CUX2: variants seen among roughly 807,000 people sequenced by gnomAD.
CUX2 encodes homeobox protein cut-like 2.
In CUX2, 40 loss-of-function variants were observed where a neutral mutation model predicts 144.8. The ratio of observed to expected loss-of-function variants is 0.28; its 90% CI spans 0.21 to 0.36. CUX2 has a LOEUF of 0.36. Ranked by LOEUF, CUX2 falls within the 10% of genes least tolerant of loss-of-function variation. The pLI, the probability that CUX2 is intolerant of heterozygous loss-of-function variation, is 1.00. For missense variants in CUX2, 1,615 were observed against 1,994.0 expected (o/e 0.81, Z 3.62); for synonymous variants, 827 against 875.6 (o/e 0.94, Z 0.98).
Position 111,312,333 on chromosome 12 carries a change from C to T in CUX2, c.2002+132C>T. 1 of 721,596 alleles carries T rather than the reference C, an allele frequency of 1.4e-6. No individual in the cohort carries two copies. The highest frequency in any genetic ancestry group is 2.3e-6 in the Non-Finnish European group (1 of 435,676). 44.7% of individuals were successfully genotyped at this position (721,596 alleles called of 1,614,324 possible). ...TCAGAACCACCAGAGGCCAGAGGGA[C>T]CTGTCTAGAGCGCATGGGTAGCTGT... On this transcript the variant is annotated intron_variant, in intron 16 of 21. Coordinates refer to ENST00000261726, the MANE Select transcript of CUX2 (RefSeq NM_015267.4). This position sits in a 1 kb window ranked among gnomAD's most constrained non-coding sequence, Gnocchi z 4.3.
At chr12:111,340,798 G>T (rs372796537) in intron 20 of CUX2, among the ~76,000 whole-genome samples, 3 of 152,180 alleles carry the variant, frequency 2.0e-5, no homozygotes, top group Admixed American at 6.6e-5. Flanking sequence ...ATTTAAGGGG[G>T]TTTTTACCTT....
At chr12:111,332,856 G>C in intron 18 of CUX2, among the ~76,000 whole-genome samples, 1 of 152,072 alleles carries the variant, frequency 6.6e-6, no homozygotes, top group South Asian at 2.1e-4. Flanking sequence ...TCTATATTCA[G>C]GTTTCTTCAG....
At chr12:111,179,571 G>T (rs956874238) in intron 1 of CUX2, among the ~76,000 whole-genome samples, 1 of 151,770 alleles carries the variant, frequency 6.6e-6, no homozygotes, top group East Asian at 2.0e-4. Flanking sequence ...AGTTCATTCC[G>T]GCTGATCTGA....
At chr12:111,271,849 C>T (rs1884660350) in intron 4 of CUX2, among the ~76,000 whole-genome samples, 2 of 152,140 alleles carry the variant, frequency 1.3e-5, no homozygotes, top group South Asian at 4.1e-4. Flanking sequence ...TGTAGACACT[C>T]TTTGTATATG....
intron 1 of CUX2, among the ~76,000 whole-genome samples, chr12:111,206,877 ATGGT>A: frequency 6.6e-6 from 1 of 152,318 alleles, no homozygotes; most frequent in African/African-American, 2.4e-5. Context: ...AGATAAAGGC[ATGGT>A]TGGTTGGATG....
chr12:111,228,455 G>A (rs557215818), intron 3 of CUX2, among the ~76,000 whole-genome samples: 62 of 152,104 alleles, frequency 4.1e-4, no homozygotes, highest in African/African-American at 1.4e-3. Context: ...ACAGAGTCCC[G>A]CTCTGTCTCC....
intron 4 of CUX2, among the ~76,000 whole-genome samples, chr12:111,280,104 C>A (rs1212355750): frequency 6.6e-6 from 1 of 152,052 alleles, no homozygotes; most frequent in Non-Finnish European, 1.5e-5. Context: ...ACGAACATGG[C>A]GAAACCCCAT....
intron 1 of CUX2, among the ~76,000 whole-genome samples, chr12:111,106,916 A>T (rs1164488896): frequency 6.6e-6 from 1 of 152,144 alleles, no homozygotes; most frequent in Non-Finnish European, 1.5e-5. Flanking sequence ...AGTGGAAGAG[A>T]AGTGTTGGGC....
intron 1 of CUX2, among the ~76,000 whole-genome samples, chr12:111,064,233 G>T (rs1566196682): frequency 6.6e-6 from 1 of 152,188 alleles, no homozygotes; most frequent in Admixed American, 6.5e-5. Flanking sequence ...AGGCGATGTG[G>T]CAGGTGAGAA....
intron 1 of CUX2, among the ~76,000 whole-genome samples, chr12:111,079,147 TCAGA>T (rs1306454011): frequency 1.3e-5 from 2 of 152,216 alleles, no homozygotes; most frequent in African/African-American, 4.8e-5. Context: ...ACTGGTGGCC[TCAGA>T]CAAATTGTCA....
chr12:111,339,893 A>G (rs1888509243), intron 20 of CUX2, among the ~76,000 whole-genome samples: 1 of 152,144 alleles, frequency 6.6e-6, no homozygotes, highest in African/African-American at 2.4e-5. Context: ...GCTGCTCTCT[A>G]TTTCTGAAAA....
chr12:111,146,043 A>G (rs908855571), intron 1 of CUX2, among the ~76,000 whole-genome samples: 5 of 152,152 alleles, frequency 3.3e-5, no homozygotes, highest in Admixed American at 2.0e-4. Context: ...TATTTAGAGA[A>G]GTTTTAAGTT....
chr12:111,312,087 C>T lies in CUX2; in HGVS notation c.1901-13C>T, dbSNP rs749936996. On this transcript the variant is annotated splice_polypyrimidine_tract_variant and intron_variant, in intron 15 of 21. Transcript: ENST00000261726. This position sits in a 1 kb window ranked among gnomAD's most constrained non-coding sequence, Gnocchi z 4.3. ...ATGCAGATCCTGCCACAGATGCCTT[C>T]TTGCCTCCCCAGGCAGCATCACCCC... 5 of 1,604,006 alleles carry T rather than the reference C, an allele frequency of 3.1e-6. No individual in the cohort carries two copies. In the Admixed American group the frequency reaches 5.1e-5, roughly 16 times the overall value.
chr12:111,221,818 C>T (rs1316954613), intron 3 of CUX2, among the ~76,000 whole-genome samples: 1 of 151,198 alleles, frequency 6.6e-6, no homozygotes, highest in South Asian at 2.1e-4. Context: ...GTGTGCGTGC[C>T]GGTGGGAGGG....
At chr12:111,120,745 T>TA (rs1201616599) in intron 1 of CUX2, among the ~76,000 whole-genome samples, 2 of 151,914 alleles carry the variant, frequency 1.3e-5, no homozygotes, top group East Asian at 3.9e-4. Context: ...CTGCTGGAGA[T>TA]TAGCATAGAG....
rs1291991878 is a variant in CUX2 at position 111,263,588 on chromosome 12, G to A, written c.223-173G>A. Among the ~76,000 whole-genome samples, 1 of 151,904 alleles carries A rather than the reference G, an allele frequency of 6.6e-6. No homozygotes were observed. The highest frequency in any genetic ancestry group is 1.5e-5 in the Non-Finnish European group (1 of 68,030). On this transcript the variant is annotated intron_variant, in intron 3 of 21. Transcript: ENST00000261726. This position sits in a 1 kb window ranked among gnomAD's most constrained non-coding sequence, Gnocchi z 4.0. Reference sequence around the variant, plus strand: ...TACAGTGAGCTGAGATCATTCTATGGCACTCCAGCCTGGGCGACAGAGCAA... The same window carrying A: ...TACAGTGAGCTGAGATCATTCTATGACACTCCAGCCTGGGCGACAGAGCAA...
chr12:111,128,664 A>G (rs900551055), intron 1 of CUX2, among the ~76,000 whole-genome samples: 1 of 152,230 alleles, frequency 6.6e-6, no homozygotes, highest in Non-Finnish European at 1.5e-5. Context: ...CAAGCATTCA[A>G]TCTCCACTAA....
intron 1 of CUX2, among the ~76,000 whole-genome samples, chr12:111,176,932 T>A (rs6489979): frequency 6.6e-6 from 1 of 152,026 alleles, no homozygotes; most frequent in Non-Finnish European, 1.5e-5. Context: ...CATTGCAGGG[T>A]CGTCCTGTGC....
intron 1 of CUX2, among the ~76,000 whole-genome samples, chr12:111,093,506 C>A (rs1355592576): frequency 4.0e-5 from 6 of 151,098 alleles, no homozygotes; most frequent in Admixed American, 3.3e-4. Flanking sequence ...AAAAAAAAAA[C>A]CCACTTTGAG....
Sources: allele counts gnomAD v4.1 joint callset (sites outside exome capture counted in the v4.1 genomes callset), GRCh38; gene constraint gnomAD v4.1.1; non-coding constraint Gnocchi (gnomAD v3.1); transcripts MANE v1.5; gene names NCBI Gene and HGNC (gene_info 2026-07-23, HGNC 2026-07-21).